GRIP1: variants seen among roughly 807,000 people sequenced by gnomAD.
GRIP1 encodes glutamate receptor-interacting protein 1.
A neutral mutation model predicts 129.9 loss-of-function variants in GRIP1; 45 were observed. The observed-to-expected ratio is 0.35, with a 90% CI of 0.27 to 0.44. GRIP1 has a LOEUF of 0.44. Ranked by LOEUF, GRIP1 falls within the 20% of genes least tolerant of loss-of-function variation. The pLI is 1.00. For synonymous variants in GRIP1, 530 were observed against 520.8 expected (o/e 1.02, Z -0.24); for missense variants, 1,196 against 1,396.8 (o/e 0.86, Z 2.29).
intron 1 of GRIP1, among the ~76,000 whole-genome samples, chr12:66,634,499 G>A (rs1592679431): frequency 6.6e-6 from 1 of 152,188 alleles, no homozygotes; most frequent in Non-Finnish European, 1.5e-5. Flanking sequence ...TCTAAAGTTG[G>A]TTTTATTGGA....
chr12:66,695,145 G>A (rs2035110940), intron 1 of GRIP1, among the ~76,000 whole-genome samples: 1 of 152,202 alleles, frequency 6.6e-6, no homozygotes, highest in Non-Finnish European at 1.5e-5. Flanking sequence ...GGAGTTCCTA[G>A]AACAGGCTCT....
At chr12:66,700,984 C>T (rs1354125809) in intron 1 of GRIP1, among the ~76,000 whole-genome samples, 1 of 152,124 alleles carries the variant, frequency 6.6e-6, no homozygotes, top group Non-Finnish European at 1.5e-5. Context: ...CCTCATGAGA[C>T]AGGCTAACCT....
At chr12:66,893,667 A>G (rs1385129839) in intron 1 of GRIP1, among the ~76,000 whole-genome samples, 1 of 152,248 alleles carries the variant, frequency 6.6e-6, no homozygotes, top group African/African-American at 2.4e-5. Context: ...GCTTTTATGA[A>G]CATGAATACA....
Position 66,774,401 on chromosome 12 carries a change from C to A in GRIP1, c.-420+29652G>T, listed in dbSNP as rs137996371. 5.7e-3 allele frequency among the ~76,000 whole-genome samples: 861 copies of A among 152,204 alleles called. 8 individuals are homozygous for A. The highest frequency in any genetic ancestry group is 8.4e-3 in the Non-Finnish European group (574 of 68,018). On this transcript the variant is annotated intron_variant, in intron 1 of 4. Transcript: ENST00000538373. ...TAAACTCAACCCAATATGAATGTGACACAACTGAATTAATGTGTTAAGAAG... is the reference window on the plus strand; with the variant it reads ...TAAACTCAACCCAATATGAATGTGAAACAACTGAATTAATGTGTTAAGAAG...
At chr12:66,708,399 C>A (rs747421763) in intron 1 of GRIP1, among the ~76,000 whole-genome samples, 2 of 151,898 alleles carry the variant, frequency 1.3e-5, no homozygotes, top group Non-Finnish European at 2.9e-5. Flanking sequence ...GTCTTTAAGG[C>A]TGTTAATTCA....
At chr12:66,381,915 G>A (rs779360345) in intron 19 of GRIP1, among the ~76,000 whole-genome samples, 3 of 152,228 alleles carry the variant, frequency 2.0e-5, no homozygotes, top group Non-Finnish European at 4.4e-5. Context: ...TCTCTAGTCC[G>A]TGCTACGCTG....
rs368726685 is a variant in GRIP1 at position 66,580,743 on chromosome 12, C to T, written c.136+16104G>A. ...TATATATGCACCCAATACAGGAGCA[C>T]CCAGATTCATAAAGCAAGTCCTTAG... On this transcript the variant is annotated intron_variant, in intron 2 of 24. Transcript: ENST00000359742. Among the ~76,000 whole-genome samples the T allele has an allele frequency of 4.0e-4, 60 of 151,350 alleles. 1 individual carries two copies. Among genetic ancestry groups the T allele is most frequent in the African/African-American group, 1.4e-3 (56 of 41,210 alleles).
chr12:66,831,764 A>G (rs937454993), intron 1 of GRIP1, among the ~76,000 whole-genome samples: 14 of 152,080 alleles, frequency 9.2e-5, no homozygotes, highest in Non-Finnish European at 1.5e-4. Context: ...CAAAACCCAG[A>G]TTTTCCTCTT....
At chr12:66,670,554 T>C (rs764257464) in intron 1 of GRIP1, among the ~76,000 whole-genome samples, 5 of 152,190 alleles carry the variant, frequency 3.3e-5, no homozygotes, top group Non-Finnish European at 4.4e-5. Context: ...ACTCAGCAAA[T>C]GGTTGAGTCA....
At chr12:66,419,321 G>A (rs762270529) in intron 15 of GRIP1, among the ~76,000 whole-genome samples, 8 of 152,210 alleles carry the variant, frequency 5.3e-5, no homozygotes, top group African/African-American at 9.6e-5. Context: ...GGGGGTCAGC[G>A]TGGGGAAAGT....
intron 1 of GRIP1, among the ~76,000 whole-genome samples, chr12:66,782,452 C>T (rs149685874): frequency 6.6e-4 from 101 of 152,200 alleles, no homozygotes; most frequent in African/African-American, 2.3e-3. Context: ...AAGGTCTTTC[C>T]CTGACATAAA....
chr12:66,813,630 A>C (rs1291610714), intron 1 of GRIP1, among the ~76,000 whole-genome samples: 2 of 152,202 alleles, frequency 1.3e-5, no homozygotes, highest in African/African-American at 4.8e-5. Context: ...AGATCCATTC[A>C]ACCAAAGGTG....
At chr12:66,691,153 A>G (rs536565370) in intron 1 of GRIP1, among the ~76,000 whole-genome samples, 1 of 152,210 alleles carries the variant, frequency 6.6e-6, no homozygotes, top group East Asian at 1.9e-4. Context: ...CCACCACTCA[A>G]CTCCAGTGCA....
At chr12:66,554,793 G>A (rs1460283353) in intron 2 of GRIP1, among the ~76,000 whole-genome samples, 1 of 152,188 alleles carries the variant, frequency 6.6e-6, no homozygotes. Flanking sequence ...GTGGCCATGG[G>A]GAGAGGCTCC....
chr12:66,741,410 C>T (rs1240806041), intron 1 of GRIP1, among the ~76,000 whole-genome samples: 1 of 152,104 alleles, frequency 6.6e-6, no homozygotes, highest in East Asian at 1.9e-4. Flanking sequence ...TTAACCAACT[C>T]AGAGGGAAAA....
At chr12:66,468,274 A>G (rs1325675008) in intron 7 of GRIP1, among the ~76,000 whole-genome samples, 1 of 152,220 alleles carries the variant, frequency 6.6e-6, no homozygotes, top group African/African-American at 2.4e-5. Context: ...CTGGTAAGCC[A>G]TCTTCAACCA....
At chr12:66,767,637 G>A (rs150594978) in intron 1 of GRIP1, among the ~76,000 whole-genome samples, 33 of 151,312 alleles carry the variant, frequency 2.2e-4, no homozygotes, top group African/African-American at 7.8e-4. Flanking sequence ...CTACCAGGCT[G>A]ATTTCTTGCC....
At chr12:66,683,483 C>T (rs76008449), upstream of GRIP1, among the ~76,000 whole-genome samples, 47 of 152,248 alleles carry the variant, frequency 3.1e-4, 1 homozygote, top group East Asian at 9.1e-3. Flanking sequence ...CAGAATTTAT[C>T]AGGCATTTTT....
In GRIP1 at chr12:66,562,493, T is replaced by G. The variant is rs145731909; in HGVS notation, c.137-20543A>C. ...AGCTTGAAGAAATATTGAGTATAAT[T>G]AAACTATAATCTAGGCTTATATACA... On this transcript the variant is annotated intron_variant, in intron 2 of 24. Transcript: ENST00000359742. Among the ~76,000 whole-genome samples, 88 of 152,318 alleles carry G rather than the reference T, an allele frequency of 5.8e-4. 1 individual carries two copies. The highest frequency in any genetic ancestry group is 2.0e-3 in the African/African-American group (84 of 41,578).
Sources: allele counts gnomAD v4.1 joint callset (sites outside exome capture counted in the v4.1 genomes callset), GRCh38; gene constraint gnomAD v4.1.1; transcripts MANE v1.5; gene names NCBI Gene and HGNC (gene_info 2026-07-23, HGNC 2026-07-21).